LRP2: variants seen among roughly 807,000 people sequenced by gnomAD.
The protein encoded by LRP2 is low-density lipoprotein receptor-related protein 2.
LRP2 carries 172 observed loss-of-function variants against 531.0 expected under a neutral mutation model. The ratio of observed to expected loss-of-function variants is 0.32; its 90% CI spans 0.29 to 0.37. The LOEUF is 0.37. Ranked by LOEUF, LRP2 falls within the 10% of genes least tolerant of loss-of-function variation. LRP2 has a pLI of 1.00. For synonymous variants in LRP2, 1,992 were observed against 2,027.6 expected, an observed-to-expected ratio of 0.98 and a Z score of 0.47; for missense variants, 5,167 against 5,868.3, an observed-to-expected ratio of 0.88 and a Z score of 3.90.
At position 169,270,767 on chromosome 2, in the gene LRP2, T is replaced by TAAATAAAG. The variant is rs1683389545; in HGVS notation, c.2320+136_2320+137insCTTTATTT. 1.2e-5 allele frequency: 4 copies of TAAATAAAG among 328,280 alleles called. No individual in the cohort carries two copies. In the South Asian group the frequency reaches 3.3e-4, roughly 27 times the overall value. 20.3% of individuals were successfully genotyped at this position (328,280 alleles called of 1,614,324 possible). ...CTTAAAGTAAAATAGTATAAATAAA[T>TAAATAAAG]AAATAAATAAATAAATAAATAAATA... is the stretch of plus-strand genomic sequence containing the variant. On this transcript the variant is annotated intron_variant, in intron 16 of 78. Coordinates refer to ENST00000649046, the MANE Select transcript of LRP2 (RefSeq NM_004525.3).
intron 3 of LRP2, among the ~76,000 whole-genome samples, chr2:169,316,433 CA>C (rs1367935625): frequency 6.6e-6 from 1 of 152,060 alleles, no homozygotes; most frequent in East Asian, 1.9e-4. Flanking sequence ...ACAAATTCAA[CA>C]AGTAAGAGAG....
rs536258353 is a variant in LRP2 at position 169,193,911 on chromosome 2, T to C, written c.8699-19A>G. The C allele has an allele frequency of 9.3e-6, 15 of 1,614,052 alleles. No individual in the cohort carries two copies. In the Admixed American group the frequency reaches 2.3e-4, roughly 25 times the overall value. On this transcript the variant is annotated intron_variant, in intron 46 of 78. Transcript: ENST00000649046. ...GAGTGACCTGAAAAGATCAATAGCATTCTCAGTGAAAAAAAGTGGTTTACA... is the reference window on the plus strand; with the variant it reads ...GAGTGACCTGAAAAGATCAATAGCACTCTCAGTGAAAAAAAGTGGTTTACA...
At chr2:169,194,030 T>C in intron 46 of LRP2, 138 bp from the exon 47 acceptor site, 2 of 920,380 alleles carry the variant, frequency 2.2e-6, no homozygotes, top group Non-Finnish European at 3.4e-6. Context: ...AGGGTAGTCC[T>C]CCAATAAGAC....
At chr2:169,160,379 T>C (rs544951730) in intron 63 of LRP2, among the ~76,000 whole-genome samples, 29 of 152,212 alleles carry the variant, frequency 1.9e-4, no homozygotes, top group Non-Finnish European at 3.2e-4. Context: ...AAATGTCATG[T>C]TGTATACCTT....
chr2:169,193,964 G>A (rs183761347), intron 46 of LRP2, 72 bp from the exon 47 acceptor site: 66 of 1,543,910 alleles, frequency 4.3e-5, no homozygotes, highest in Admixed American at 2.2e-4. Flanking sequence ...CAAGCTGGTT[G>A]TAGCATGGGT....
At chr2:169,226,611 G>A in intron 31 of LRP2, 23 bp from the exon 32 acceptor site, 1 of 1,569,576 alleles carries the variant, frequency 6.4e-7, no homozygotes, top group East Asian at 2.2e-5. Context: ...AAGAATATCA[G>A]TCAAAATCAT....
At chr2:169,168,018 A>AATAT (rs4001548) in intron 61 of LRP2, among the ~76,000 whole-genome samples, 823 of 68,172 alleles carry the variant, frequency 0.012, 69 homozygotes, top group African/African-American at 0.026. Flanking sequence ...CAGGGTTTAA[A>AATAT]ATATATATAT....
chr2:169,293,521 C>A (rs1036365905), intron 6 of LRP2, among the ~76,000 whole-genome samples: 9 of 152,138 alleles, frequency 5.9e-5, no homozygotes, highest in Non-Finnish European at 1.2e-4. Flanking sequence ...ACTAAAAACA[C>A]AAAATTAGCC....
At position 169,206,689 on chromosome 2, in the gene LRP2, T is replaced by C; in HGVS notation, c.7031A>G (p.Asn2344Ser). ...CCCACCATTGTTTTCCAAGCAAGGG[T>C]TGTTGTTGACCTCTGCTGGTGACCG... ...QPRSPAEVNN[N>S]PCLENNGGCS... Residue 2344 changes from asparagine to serine, a missense_variant, in exon 39 of 79, where the codon AAC becomes AGC. Physicochemically the swap from Asn to Ser is conservative, Grantham distance 46. Transcript: ENST00000649046. 2 of 1,613,932 alleles carry C rather than the reference T, an allele frequency of 1.2e-6. No homozygotes were observed. The highest frequency in any genetic ancestry group is 1.1e-5 in the South Asian group (1 of 91,078).
chr2:169,244,886 G>A lies in LRP2; in HGVS notation c.3237C>T (p.Cys1079=), dbSNP rs931195137. 3 of 1,614,114 alleles carry A rather than the reference G, an allele frequency of 1.9e-6. No individual in the cohort carries two copies. The highest frequency in any genetic ancestry group is 2.2e-5 in the South Asian group (2 of 91,094). ...TGTCACAGCGCCAGTGTGCAGGAATGCACTCCCCATGGCCACAGGTGAACG... is the reference window on the plus strand; with the variant it reads ...TGTCACAGCGCCAGTGTGCAGGAATACACTCCCCATGGCCACAGGTGAACG... ...SSAFTCGHGE[C]IPAHWRCDKR... is the part of the protein sequence containing the mutation. The change falls in exon 22 of 79, where the codon TGC becomes TGT. Residue 1079 remains cysteine, a synonymous_variant. Transcript: ENST00000649046.
At chr2:169,276,295 C>T (rs1683551828) in intron 13 of LRP2, among the ~76,000 whole-genome samples, 1 of 152,160 alleles carries the variant, frequency 6.6e-6, no homozygotes, top group Non-Finnish European at 1.5e-5. Context: ...TTCAGCTGTA[C>T]TTGTGAGCTT....
chr2:169,145,719 A>T (rs1288304458), intron 70 of LRP2, 28 bp downstream of exon 70: 2 of 1,606,742 alleles, frequency 1.2e-6, no homozygotes, highest in South Asian at 2.2e-5. Flanking sequence ...AGTAATGAGG[A>T]GCATCTTATA....
chr2:169,169,617 C>T, intron 60 of LRP2, 85 bp downstream of exon 60: 1 of 1,016,536 alleles, frequency 9.8e-7, no homozygotes, highest in Middle Eastern at 2.0e-4. Flanking sequence ...GCCTTTTAAT[C>T]TAAGAAGCGG....
chr2:169,256,256 A>G lies in LRP2; in HGVS notation c.2640-20T>C. 3 of 1,607,602 alleles carry G rather than the reference A, an allele frequency of 1.9e-6. No homozygotes were observed. The highest frequency in any genetic ancestry group is 2.6e-6 in the Non-Finnish European group (3 of 1,175,188). The stretch of plus-strand genomic sequence containing the variant: ...GAAGCACTAAAATAATAAAATATTT[A>G]GTTATCTCTTATCCAAAAACTATCA... On this transcript the variant is annotated intron_variant, in intron 18 of 78. Coordinates refer to ENST00000649046, the MANE Select transcript of LRP2 (RefSeq NM_004525.3).
At chr2:169,236,109 T>A in intron 28 of LRP2, 41 bp from the exon 29 acceptor site, 1 of 1,372,914 alleles carries the variant, frequency 7.3e-7, no homozygotes, top group Non-Finnish European at 1.0e-6. Flanking sequence ...GGGACGTATT[T>A]AAATATTAAA....
intron 56 of LRP2, 122 bp from the exon 57 acceptor site, chr2:169,173,346 G>A: frequency 8.7e-7 from 1 of 1,155,148 alleles, no homozygotes; most frequent in South Asian, 1.3e-5. Context: ...AACCGCCTCT[G>A]GCGATATGTG....
At chr2:169,345,610 A>C (rs1012322391) in intron 1 of LRP2, among the ~76,000 whole-genome samples, 4 of 152,182 alleles carry the variant, frequency 2.6e-5, no homozygotes, top group African/African-American at 9.7e-5. Context: ...TAACATTTAC[A>C]GAACTGTGCA....
At chr2:169,184,638 C>T (rs1453771941) in intron 50 of LRP2, among the ~76,000 whole-genome samples, 1 of 152,200 alleles carries the variant, frequency 6.6e-6, no homozygotes, top group African/African-American at 2.4e-5. Context: ...TATCACTGGC[C>T]TGCCTTAAAG....
In LRP2 at chr2:169,196,934, G is replaced by T. The variant is rs1327050236; in HGVS notation, c.8675C>A (p.Ala2892Asp). The T allele has an allele frequency of 1.9e-6, 3 of 1,614,138 alleles. No individual in the cohort carries two copies. The highest frequency in any genetic ancestry group is 2.2e-5 in the South Asian group (2 of 91,084). ...ACCACAAGAGGCAGGTTCATCAGAG[G>T]CATCAAAACAATCTGTTTCTTGATC... ...YCDQETDCFD[A>D]SDEPASCGHS... The change falls in exon 46 of 79, where the codon GCC (alanine) becomes GAC (aspartate). Residue 2892 changes from alanine (A) to aspartate (D), a missense_variant. Ala to Asp is a moderately radical substitution (Grantham distance 126). Around this residue, in one of 6 missense-constraint regions of LRP2, gnomAD observed 1,129 missense variants for 1,362.7 expected, o/e 0.83. Transcript: ENST00000649046.
Sources: gnomAD v4.1 joint callset for allele counts (sites outside exome capture counted in the v4.1 genomes callset) on GRCh38, gnomAD v4.1.1 for gene constraint, gnomAD v4.1.1 regional missense constraint, MANE v1.5 for transcripts, NCBI Gene and HGNC (gene_info 2026-07-23, HGNC 2026-07-21) for gene names.